The following DDX59 variants were observed in gnomAD, a reference collection of about 807,000 sequenced individuals.
DDX59 encodes the protein DEAD-box helicase 59.
DDX59 carries 30 observed loss-of-function variants against 51.9 expected under a neutral mutation model. The ratio of observed to expected loss-of-function variants is 0.58; its 90% CI spans 0.43 to 0.78. The LOEUF is 0.78. Among genes scored for constraint, DDX59 ranks in the 30% least tolerant of loss-of-function variants. The probability of loss-of-function intolerance (pLI) is 0.00; values close to 1 mark genes in which losing one functional copy is unlikely to be tolerated. For missense variants in DDX59, 672 were observed against 730.8 expected, an observed-to-expected ratio of 0.92 and a Z score of 0.93; for synonymous variants, 255 against 253.3, an observed-to-expected ratio of 1.01 and a Z score of -0.06.
In DDX59 at chr1:200,649,178, G is replaced by C. The variant is rs371608703; in HGVS notation, c.1363C>G (p.Leu455Val). 23 of 1,597,526 alleles carry C rather than the reference G, an allele frequency of 1.4e-5. No homozygotes were observed. In the African/African-American group the frequency reaches 3.0e-4, roughly 21 times the overall value. ...PPVLVFVDCK[L>V]GADLLSEAVQ... ...GCTTCACTCAAAAGATCTGCTCCTA[G>C]TTTGCAGTCCACAAATACTAACACT... The change falls in exon 6 of 8, where the codon CTA (leucine) becomes GTA (valine). Residue 455 changes from leucine to valine, a missense_variant. Leu to Val is a conservative substitution (Grantham distance 32, BLOSUM62 1). Coordinates refer to ENST00000331314, the MANE Select transcript of DDX59 (RefSeq NM_001031725.6).
At chr1:200,643,436 G>A (rs1661108592), downstream of DDX59, among the ~76,000 whole-genome samples, 1 of 152,100 alleles carries the variant, frequency 6.6e-6, no homozygotes, top group Admixed American at 6.6e-5. Context: ...AAAGTCAGGA[G>A]ATTGAGACCA....
At chr1:200,643,769 C>G (rs1661124323), downstream of DDX59, among the ~76,000 whole-genome samples, 4 of 151,960 alleles carry the variant, frequency 2.6e-5, no homozygotes, top group South Asian at 8.3e-4. Context: ...CAGCATTAAC[C>G]AAGCAGAAGG....
At chr1:200,655,063 T>C (rs1661931079) in intron 4 of DDX59, 1 of 152,298 alleles carries the variant, frequency 6.6e-6, no homozygotes, top group East Asian at 1.9e-4. Context: ...GGCAACCTCC[T>C]GAGCCAGAAA....
chr1:200,646,227 A>C (rs138371274), intron 7 of DDX59, among the ~76,000 whole-genome samples: 2,222 of 152,216 alleles, frequency 0.015, 59 homozygotes, highest in African/African-American at 0.05. Context: ...CCAGCTACTC[A>C]GGAGGCTGAG....
rs140512450 is a variant in DDX59 at position 200,663,172 on chromosome 1, C to A, written c.972+747G>T. The stretch of plus-strand genomic sequence containing the variant: ...CTTCCCCAACTCCCTGCCAACCCAG[C>A]TTGTCCCCTGGGTCGCCAGGGCCGC... On this transcript the variant is annotated intron_variant, in intron 3 of 7. Coordinates refer to ENST00000331314, the MANE Select transcript of DDX59 (RefSeq NM_001031725.6). Among the ~76,000 whole-genome samples the A allele has an allele frequency of 3.6e-3, 545 of 152,296 alleles. 1 individual carries two copies. Among genetic ancestry groups the A allele is most frequent in the African/African-American group, 0.012 (514 of 41,552 alleles).
Position 200,666,750 on chromosome 1 carries a change from T to A in DDX59, c.-10A>T. 6.2e-7 allele frequency: 1 copy of A among 1,600,672 alleles called. No individual in the cohort carries two copies. Among genetic ancestry groups the A allele is most frequent in the Non-Finnish European group, 8.5e-7 (1 of 1,172,248 alleles). The stretch of plus-strand genomic sequence containing the variant: ...ATCTTGGAACAAACATCCTTCAATA[T>A]TCTGTTAAGGAAATTATATAATGAG... On this transcript the variant is annotated splice_region_variant and 5_prime_UTR_variant, in exon 2 of 8. Coordinates refer to ENST00000331314, the MANE Select transcript of DDX59 (RefSeq NM_001031725.6).
chr1:200,645,897 C>T (rs1039399034), intron 7 of DDX59, among the ~76,000 whole-genome samples: 1 of 152,106 alleles, frequency 6.6e-6, no homozygotes, highest in African/African-American at 2.4e-5. Context: ...TTTTCAGTAA[C>T]AGCTTTTATT....
intron 4 of DDX59, among the ~76,000 whole-genome samples, chr1:200,653,807 C>G (rs1661824130): frequency 6.6e-6 from 1 of 152,142 alleles, no homozygotes; most frequent in African/African-American, 2.4e-5. Flanking sequence ...TCCGCATGAC[C>G]AGCTCCTTCT....
At position 200,659,030 on chromosome 1, in the gene DDX59, A is replaced by T; in HGVS notation, c.1059T>A (p.Asp353Glu). Residue 353 changes from aspartate to glutamate, a missense_variant, in exon 4 of 8, where the codon GAT (aspartate) becomes GAA (glutamate). Physicochemically the swap from Asp to Glu is conservative, Grantham distance 45. Transcript: ENST00000331314. ...ELCGVKIVVV[D>E]EADTMLKMGF... ...TTTTTTAAATACCACTACTTACTTC[A>T]TCTACTACCACAATCTTTACACCAC... is the stretch of plus-strand genomic sequence containing the variant. The T allele has an allele frequency of 6.2e-7, 1 of 1,609,868 alleles. No individual in the cohort carries two copies. Among genetic ancestry groups the T allele is most frequent in the Non-Finnish European group, 8.5e-7 (1 of 1,177,838 alleles).
chr1:200,668,157 A>G (rs1446541240), intron 1 of DDX59, among the ~76,000 whole-genome samples: 3 of 152,062 alleles, frequency 2.0e-5, no homozygotes, highest in African/African-American at 7.2e-5. Context: ...AACAAAAAAA[A>G]TTAGCCGGGC....
At chr1:200,661,765 A>G (rs571388698) in intron 3 of DDX59, among the ~76,000 whole-genome samples, 1 of 152,310 alleles carries the variant, frequency 6.6e-6, no homozygotes, top group Admixed American at 6.5e-5. Context: ...GATGATACCA[A>G]TATTAATTCC....
intron 7 of DDX59, among the ~76,000 whole-genome samples, chr1:200,646,358 A>C (rs1423203990): frequency 6.6e-6 from 1 of 152,174 alleles, no homozygotes; most frequent in Non-Finnish European, 1.5e-5. Context: ...AAACAAAAAA[A>C]AAACTTGCAA....
intron 7 of DDX59, among the ~76,000 whole-genome samples, chr1:200,647,789 T>C (rs1371267176): frequency 1.3e-5 from 2 of 151,440 alleles, no homozygotes; most frequent in Non-Finnish European, 2.9e-5. Flanking sequence ...CTAGCCAACA[T>C]GGTGAAACCC....
At position 200,648,561 on chromosome 1, in the gene DDX59, G is replaced by C. The variant is rs145880966; in HGVS notation, c.1474C>G (p.Leu492Val). 1.9e-6 allele frequency: 3 copies of C among 1,607,118 alleles called. No individual in the cohort carries two copies. Among genetic ancestry groups the C allele is most frequent in the Non-Finnish European group, 1.7e-6 (2 of 1,177,726 alleles). ...IERKNILKGL[L>V]EGDYEVVVST... ...ACTACAACTTCATAGTCTCCTTCAA[G>C]TAATCCCTTTCCAAAAAAGCAACAA... The change falls in exon 7 of 8, where the codon CTT becomes GTT. Residue 492 changes from leucine to valine, a missense_variant. By Grantham distance (32) the Leu-to-Val change is conservative. Transcript: ENST00000331314.
chr1:200,649,064 G>T lies in DDX59; in HGVS notation c.1467+10C>A. ...ATAGAAAACAGAATATAGAATATTG[G>T]GTGTCAAACCTTCAATATGTTTTTC... is the stretch of plus-strand genomic sequence containing the variant. On this transcript the variant is annotated intron_variant, in intron 6 of 7. Coordinates refer to ENST00000331314, the MANE Select transcript of DDX59 (RefSeq NM_001031725.6). 1 of 1,545,154 alleles carries T rather than the reference G, an allele frequency of 6.5e-7. No individual in the cohort carries two copies. Among genetic ancestry groups the T allele is most frequent in the Non-Finnish European group, 8.7e-7 (1 of 1,152,816 alleles).
At chr1:200,669,309 A>T (rs1662993656) in intron 1 of DDX59, among the ~76,000 whole-genome samples, 1 of 148,896 alleles carries the variant, frequency 6.7e-6, no homozygotes, top group Admixed American at 6.7e-5. Context: ...AATGCAACCG[A>T]GGGTCTAGAA....
Position 200,644,517 on chromosome 1 carries a change from T to C in DDX59, c.1597A>G (p.Ile533Val), listed in dbSNP as rs910612699. Residue 533 changes from isoleucine to valine, a missense_variant and splice_region_variant, in exon 8 of 8, where the codon ATT becomes GTT. Coordinates refer to ENST00000331314, the MANE Select transcript of DDX59 (RefSeq NM_001031725.6). ...PSSMDEYVHQ[I>V]GRVGRLGQNG... The stretch of plus-strand genomic sequence containing the variant: ...TGACCTAATCTTCCTACTCTTCCAA[T>C]CTGAAATAAAATGCAAAGAACATTT... The C allele has an allele frequency of 3.2e-5, 50 of 1,561,976 alleles. 1 individual carries two copies. In the Admixed American group the frequency reaches 7.1e-4, roughly 22 times the overall value.
Position 200,650,426 on chromosome 1 carries a change from T to G in DDX59, c.1313A>C (p.Asn438Thr), listed in dbSNP as rs1399619371. The G allele has an allele frequency of 1.9e-6, 3 of 1,611,306 alleles. No homozygotes were observed. In the South Asian group the frequency reaches 3.3e-5, roughly 18 times the overall value. Residue 438 changes from asparagine to threonine, a missense_variant and splice_region_variant, in exon 5 of 8, where the codon AAT becomes ACT. Transcript: ENST00000331314. ...ATAGTTAACTGCTTTACTACTCACA[T>G]TTAAAATTTCAAATAATTTTTTCTT... is the stretch of plus-strand genomic sequence containing the variant. ...AKKKKLFEIL[N>T]DKKLFKPPVL...
At chr1:200,659,787 C>T (rs910821867) in intron 3 of DDX59, among the ~76,000 whole-genome samples, 1 of 152,076 alleles carries the variant, frequency 6.6e-6, no homozygotes, top group Non-Finnish European at 1.5e-5. Context: ...TCCCCAGCTC[C>T]AGGGGTCTTC....
Sources: gnomAD v4.1 joint callset for allele counts (sites outside exome capture counted in the v4.1 genomes callset) on GRCh38, gnomAD v4.1.1 for gene constraint, MANE v1.5 for transcripts, NCBI Gene and HGNC (gene_info 2026-07-23, HGNC 2026-07-21) for gene names.